The following TXLNB variants were observed in gnomAD, a reference collection of about 807,000 sequenced individuals.
TXLNB encodes taxilin beta.
Under a neutral mutation model 57.4 loss-of-function variants are expected in TXLNB, and 37 were observed. That is an observed-to-expected ratio of 0.64 (90% CI 0.50 to 0.85). The LOEUF is 0.85. Ranked by LOEUF, TXLNB falls within the 40% of genes least tolerant of loss-of-function variation. The pLI, the probability that TXLNB is intolerant of heterozygous loss-of-function variation, is 0.00. For synonymous variants in TXLNB, 302 were observed against 309.6 expected (o/e 0.98, Z 0.26); for missense variants, 848 against 825.6 (o/e 1.03, Z -0.33).
chr6:139,320,580 T>G, the TXLNB span, among the ~76,000 whole-genome samples: 1 of 152,206 alleles, frequency 6.6e-6, no homozygotes, highest in African/African-American at 2.4e-5. Context: ...TTACTTAATT[T>G]GTAAAACTCC....
At chr6:139,263,342 A>G (rs943815681) in intron 4 of TXLNB, among the ~76,000 whole-genome samples, 3 of 152,242 alleles carry the variant, frequency 2.0e-5, no homozygotes, top group African/African-American at 7.2e-5. Flanking sequence ...GCATAGCTCA[A>G]TTACAGCCAT....
At chr6:139,282,267 T>C (rs1777071972) in intron 2 of TXLNB, among the ~76,000 whole-genome samples, 1 of 146,878 alleles carries the variant, frequency 6.8e-6, no homozygotes, top group Non-Finnish European at 1.5e-5. Flanking sequence ...TCTGGGAGAG[T>C]GACCGGACCG....
the TXLNB span, among the ~76,000 whole-genome samples, chr6:139,190,305 CTTTCT>C: frequency 2.3e-3 from 251 of 108,912 alleles, no homozygotes; most frequent in South Asian, 5.7e-3. Context: ...TTCTTTCTTT[CTTTCT>C]TTTTTTTTTT....
At chr6:139,205,770 C>G in the TXLNB span, among the ~76,000 whole-genome samples, 6 of 152,220 alleles carry the variant, frequency 3.9e-5, no homozygotes, top group East Asian at 1.2e-3. Flanking sequence ...GAGGGAATAA[C>G]TGAGAAAAAC....
At chr6:139,300,302 G>C in the TXLNB span, among the ~76,000 whole-genome samples, 2 of 152,162 alleles carry the variant, frequency 1.3e-5, no homozygotes, top group Non-Finnish European at 2.9e-5. Context: ...TCTATGTGTG[G>C]TCTTTTTCTC....
chr6:139,225,714 A>G, the TXLNB span, among the ~76,000 whole-genome samples: 1 of 152,194 alleles, frequency 6.6e-6, no homozygotes, highest in East Asian at 1.9e-4. Context: ...CCTGGATTGG[A>G]AAACTCAATA....
the TXLNB span, among the ~76,000 whole-genome samples, chr6:139,184,494 T>A: frequency 6.6e-6 from 1 of 152,234 alleles, no homozygotes; most frequent in Admixed American, 6.5e-5. Flanking sequence ...TAGTTGTGTC[T>A]TCACCTCATC....
the TXLNB span, chr6:139,203,483 C>G: frequency 5.3e-5 from 8 of 152,212 alleles, no homozygotes; most frequent in African/African-American, 1.7e-4. Flanking sequence ...CTCTCAGCAG[C>G]ACCTGATAAA....
chr6:139,280,686 T>A (rs1189446526), intron 2 of TXLNB, among the ~76,000 whole-genome samples: 1 of 151,972 alleles, frequency 6.6e-6, no homozygotes, highest in Non-Finnish European at 1.5e-5. Context: ...ATTTTTTTTT[T>A]AGAACTTTGG....
chr6:139,200,847 C>A, the TXLNB span, among the ~76,000 whole-genome samples: 3 of 152,156 alleles, frequency 2.0e-5, no homozygotes, highest in Non-Finnish European at 4.4e-5. Flanking sequence ...AAAACACCAA[C>A]TTTGGGCTGC....
chr6:139,213,222 T>C, the TXLNB span, among the ~76,000 whole-genome samples: 1 of 152,198 alleles, frequency 6.6e-6, no homozygotes, highest in Admixed American at 6.5e-5. Context: ...ACCACATAGT[T>C]GGAAGTAAAA....
At chr6:139,253,103 T>C (rs1178589917) in intron 7 of TXLNB, among the ~76,000 whole-genome samples, 1 of 152,190 alleles carries the variant, frequency 6.6e-6, no homozygotes, top group African/African-American at 2.4e-5. Flanking sequence ...CACTAATTAA[T>C]AGTCAAGCAG....
chr6:139,286,035 A>G (rs1463151422), intron 2 of TXLNB, among the ~76,000 whole-genome samples: 1 of 151,982 alleles, frequency 6.6e-6, no homozygotes, highest in Non-Finnish European at 1.5e-5. Context: ...TGGCCTTGTC[A>G]TATTTGTAGG....
chr6:139,270,468 G>C lies in TXLNB; in HGVS notation c.675C>G (p.Asn225Lys), dbSNP rs766934244. 2 of 1,613,766 alleles carry C rather than the reference G, an allele frequency of 1.2e-6. No homozygotes were observed. Among genetic ancestry groups the C allele is most frequent in the East Asian group, 2.2e-5 (1 of 44,884 alleles). ...ESLCRELQRHNKTLKEEALQR... is the reference protein window; with the variant it reads ...ESLCRELQRHKKTLKEEALQR... ...CATGGGGACATACCTTCAGAGTCTT[G>C]TTGTGTCTCTGCAGCTCCCGGCACA... Residue 225 changes from asparagine to lysine, a missense_variant, in exon 4 of 10, where the codon AAC becomes AAG. Physicochemically the swap from Asn to Lys is moderately conservative, Grantham distance 94. Coordinates refer to ENST00000358430, the MANE Select transcript of TXLNB (RefSeq NM_153235.4).
At chr6:139,288,442 C>G in intron 2 of TXLNB, 34 bp downstream of exon 2, 3 of 1,594,056 alleles carry the variant, frequency 1.9e-6, no homozygotes, top group Non-Finnish European at 2.6e-6. Flanking sequence ...GAATACCATA[C>G]AGAAAAGTCA....
At chr6:139,261,851 T>A (rs962359680) in intron 5 of TXLNB, among the ~76,000 whole-genome samples, 3 of 151,586 alleles carry the variant, frequency 2.0e-5, no homozygotes, top group Non-Finnish European at 4.4e-5. Flanking sequence ...TTACAATGAT[T>A]ACATTATTAA....
At chr6:139,250,708 C>T (rs1192857055) in intron 7 of TXLNB, among the ~76,000 whole-genome samples, 2 of 152,136 alleles carry the variant, frequency 1.3e-5, no homozygotes, top group East Asian at 3.9e-4. Context: ...GCTGGTCCTC[C>T]CGATCCCTCT....
chr6:139,222,299 A>G, the TXLNB span, among the ~76,000 whole-genome samples: 1 of 152,238 alleles, frequency 6.6e-6, no homozygotes, highest in African/African-American at 2.4e-5. Context: ...AAGAAAGCTC[A>G]TGTTTATATC....
chr6:139,322,622 C>G, the TXLNB span, among the ~76,000 whole-genome samples: 1 of 152,164 alleles, frequency 6.6e-6, no homozygotes, highest in Non-Finnish European at 1.5e-5. Context: ...CATCCCACAT[C>G]TGATCCAACA....
Sources: gnomAD v4.1 joint callset for allele counts (sites outside exome capture counted in the v4.1 genomes callset) on GRCh38, gnomAD v4.1.1 for gene constraint, MANE v1.5 for transcripts, NCBI Gene and HGNC (gene_info 2026-07-23, HGNC 2026-07-21) for gene names.